Variants in PGRMC2 observed in about 807,000 individuals in gnomAD.
PGRMC2 encodes the protein progesterone receptor membrane component 2.
In PGRMC2, 9 loss-of-function variants were observed where a neutral mutation model predicts 19.3. The ratio of observed to expected loss-of-function variants is 0.47; its 90% CI spans 0.28 to 0.81. The LOEUF is 0.81. Among genes scored for constraint, PGRMC2 ranks in the 40% least tolerant of loss-of-function variants. PGRMC2 has a pLI of 0.11. For missense variants in PGRMC2, 289 were observed against 297.3 expected, an observed-to-expected ratio of 0.97 and a Z score of 0.21; for synonymous variants, 157 against 124.6, an observed-to-expected ratio of 1.26 and a Z score of -1.73.
At position 128,271,092 on chromosome 4, in the gene PGRMC2, T is replaced by A. The variant is rs188725934; in HGVS notation, c.*224A>T. ...AATCCCTGTCTCCTTCTTTTCAGGATGATGAAGCCCCACTAGACATTACAA... is the reference window on the plus strand; with the variant it reads ...AATCCCTGTCTCCTTCTTTTCAGGAAGATGAAGCCCCACTAGACATTACAA... On this transcript the variant is annotated 3_prime_UTR_variant, in exon 3 of 3. Coordinates refer to ENST00000296425, the MANE Select transcript of PGRMC2 (RefSeq NM_006320.6). 556 of 352,304 alleles carry A rather than the reference T, an allele frequency of 1.6e-3. 2 individuals carry two copies. Among genetic ancestry groups the A allele is most frequent in the African/African-American group, 0.01 (493 of 47,618 alleles). 21.8% of individuals were successfully genotyped at this position (352,304 alleles called of 1,614,324 possible).
chr4:128,280,638 GCT>G (rs1225830190), intron 1 of PGRMC2, among the ~76,000 whole-genome samples: 3 of 152,116 alleles, frequency 2.0e-5, no homozygotes, highest in African/African-American at 4.8e-5. Flanking sequence ...ACAGGGTCTT[GCT>G]CTGTCACCCA....
Position 128,273,548 on chromosome 4 carries a change from T to C in PGRMC2, c.419-1031A>G, listed in dbSNP as rs181759631. Among the ~76,000 whole-genome samples the C allele has an allele frequency of 5.9e-5, 9 of 152,304 alleles. No homozygotes were observed. The East Asian group carries it at 1.4e-3, about 23-fold the overall frequency. ...CACTTATGGTAGGCAAAGACACTAT[T>C]ATGAACAACAACAACAGAGTGGTGA... is the stretch of plus-strand genomic sequence containing the variant. On this transcript the variant is annotated intron_variant, in intron 1 of 2. Transcript: ENST00000296425.
intron 1 of PGRMC2, among the ~76,000 whole-genome samples, chr4:128,278,843 A>G (rs1760857708): frequency 6.6e-6 from 1 of 152,202 alleles, no homozygotes; most frequent in South Asian, 2.1e-4. Context: ...AACTAGAAAA[A>G]ATATTTGCGG....
At chr4:128,283,541 A>C (rs1005774076) in intron 1 of PGRMC2, among the ~76,000 whole-genome samples, 1 of 152,224 alleles carries the variant, frequency 6.6e-6, no homozygotes, top group Admixed American at 6.5e-5. Context: ...AGCACTTTAT[A>C]TGTGGCTAGT....
intron 1 of PGRMC2, chr4:128,286,774 T>C: frequency 2.5e-6 from 1 of 398,052 alleles, no homozygotes. Context: ...GTCCGAGGTG[T>C]TGCTTATACG....
chr4:128,275,556 T>C (rs1760797156), intron 1 of PGRMC2, among the ~76,000 whole-genome samples: 1 of 152,236 alleles, frequency 6.6e-6, no homozygotes, highest in Non-Finnish European at 1.5e-5. Context: ...TTCTGTTGAC[T>C]CTTGAATAGA....
intron 1 of PGRMC2, among the ~76,000 whole-genome samples, chr4:128,286,307 G>A (rs943248430): frequency 6.6e-6 from 1 of 151,936 alleles, no homozygotes; most frequent in Non-Finnish European, 1.5e-5. Context: ...GATGCACAAT[G>A]TTGCTCAACT....
chr4:128,286,869 G>T, intron 1 of PGRMC2: 20 of 329,848 alleles, frequency 6.1e-5, no homozygotes, highest in East Asian at 1.3e-4. Context: ...GAAAAAAGGA[G>T]ATCAGTGGCA....
At chr4:128,273,006 G>T (rs1934592740) in intron 1 of PGRMC2, 1 of 152,194 alleles carries the variant, frequency 6.6e-6, no homozygotes, top group African/African-American at 2.4e-5. Flanking sequence ...TATGAAGGTT[G>T]TAATTCTATG....
At chr4:128,287,290 C>A in intron 1 of PGRMC2, 83 bp downstream of exon 1, 2 of 1,466,458 alleles carry the variant, frequency 1.4e-6, no homozygotes, top group Non-Finnish European at 1.8e-6. Context: ...GGCAAACTAA[C>A]CCGGTGCCCA....
intron 2 of PGRMC2, among the ~76,000 whole-genome samples, chr4:128,271,958 T>C (rs1421648624): frequency 6.6e-6 from 1 of 152,262 alleles, no homozygotes; most frequent in African/African-American, 2.4e-5. Context: ...GCCTGTATTT[T>C]TAAAAAACTA....
At position 128,287,361 on chromosome 4, in the gene PGRMC2, C is replaced by T; in HGVS notation, c.418+12G>A. 1.3e-6 allele frequency: 2 copies of T among 1,588,856 alleles called. No homozygotes were observed. The highest frequency in any genetic ancestry group is 1.7e-6 in the Non-Finnish European group (2 of 1,162,924). On this transcript the variant is annotated intron_variant, in intron 1 of 2. Coordinates refer to ENST00000296425, the MANE Select transcript of PGRMC2 (RefSeq NM_006320.6). ...TGCAGGGGGTCCTTCCCCTCCCCTT[C>T]CAACTCCTCACCCGGGCCGTAGAAC...
intron 1 of PGRMC2, among the ~76,000 whole-genome samples, chr4:128,283,050 A>C (rs1414617707): frequency 6.6e-6 from 1 of 152,272 alleles, no homozygotes; most frequent in African/African-American, 2.4e-5. Flanking sequence ...CAACAACGCA[A>C]AATAAACTAT....
intron 1 of PGRMC2, among the ~76,000 whole-genome samples, chr4:128,275,539 A>G (rs1760796765): frequency 6.6e-6 from 1 of 152,160 alleles, no homozygotes; most frequent in Non-Finnish European, 1.5e-5. Context: ...ATTCCAGACA[A>G]ATGATGTTCT....
chr4:128,280,712 C>T (rs1760896372), intron 1 of PGRMC2, among the ~76,000 whole-genome samples: 1 of 152,054 alleles, frequency 6.6e-6, no homozygotes, highest in Non-Finnish European at 1.5e-5. Context: ...ATCTTAATAC[C>T]TCAGACTCTT....
At chr4:128,277,849 C>T (rs552275983) in intron 1 of PGRMC2, among the ~76,000 whole-genome samples, 2 of 152,318 alleles carry the variant, frequency 1.3e-5, no homozygotes, top group East Asian at 3.9e-4. Flanking sequence ...AGAGGATCCA[C>T]TCACAATCAA....
At chr4:128,278,286 T>G (rs1259296676) in intron 1 of PGRMC2, among the ~76,000 whole-genome samples, 2 of 152,196 alleles carry the variant, frequency 1.3e-5, no homozygotes, top group Admixed American at 6.5e-5. Flanking sequence ...GGGAAACATG[T>G]TGGGACAACT....
In PGRMC2 at chr4:128,287,731, G is replaced by C. The variant is rs1213726044; in HGVS notation, c.60C>G (p.Ser20Arg). 2.7e-6 allele frequency: 4 copies of C among 1,474,306 alleles called. No homozygotes were observed. The allele number at this position is 1,474,306 out of a possible 1,614,324, so 91.3% of individuals were successfully genotyped here. The stretch of plus-strand genomic sequence containing the variant: ...CTGGACTCTCGCTGCCGCCGTCGTT[G>C]CTGCTCTCGCTGCCACTCCCCAGGG... ...LGTLGSGSES[S>R]NDGGSESPGD... Residue 20 changes from serine (S) to arginine (R), a missense_variant, in exon 1 of 3, where the codon AGC becomes AGG. By Grantham distance (110) the Ser-to-Arg change is moderately radical. Transcript: ENST00000296425.
At chr4:128,276,635 A>T (rs1041568917) in intron 1 of PGRMC2, among the ~76,000 whole-genome samples, 3 of 152,156 alleles carry the variant, frequency 2.0e-5, no homozygotes, top group Non-Finnish European at 4.4e-5. Flanking sequence ...ATTTATTTTT[A>T]AAAAGGCTAG....
Sources: allele counts gnomAD v4.1 joint callset (sites outside exome capture counted in the v4.1 genomes callset), GRCh38; gene constraint gnomAD v4.1.1; transcripts MANE v1.5; gene names NCBI Gene and HGNC (gene_info 2026-07-23, HGNC 2026-07-21).